Variants in HCLS1 observed in about 807,000 individuals in gnomAD.
HCLS1 encodes the protein hematopoietic cell-specific Lyn substrate 1.
Under a neutral mutation model 68.6 loss-of-function variants are expected in HCLS1, and 44 were observed. The observed-to-expected ratio is 0.64, with a 90% CI of 0.50 to 0.82. The LOEUF is 0.82. HCLS1 is among the 40% of genes least tolerant of loss of function. The pLI is 0.00. For synonymous variants in HCLS1, 217 were observed against 225.8 expected, an observed-to-expected ratio of 0.96 and a Z score of 0.35; for missense variants, 602 against 612.1, an observed-to-expected ratio of 0.98 and a Z score of 0.17.
chr3:121,651,607 C>T lies in HCLS1; in HGVS notation c.159-4159G>A, dbSNP rs1033405889. On this transcript the variant is annotated intron_variant, in intron 3 of 13. Transcript: ENST00000314583. Reference sequence around the variant, plus strand: ...AGCCAATTTTTAATTTTTTTGTAGACTCTGAATCTCTCCACATTGTCCAGA... The same window carrying T: ...AGCCAATTTTTAATTTTTTTGTAGATTCTGAATCTCTCCACATTGTCCAGA... Among the ~76,000 whole-genome samples, 38 of 152,198 alleles carry T rather than the reference C, an allele frequency of 2.5e-4. 1 individual carries two copies. The Middle Eastern group carries it at 0.014, about 54-fold the overall frequency.
chr3:121,652,976 C>A (rs1937783547), intron 3 of HCLS1, among the ~76,000 whole-genome samples: 1 of 152,196 alleles, frequency 6.6e-6, no homozygotes, highest in South Asian at 2.1e-4. Flanking sequence ...CAAATTACTA[C>A]AGGTTGACTA....
intron 6 of HCLS1, among the ~76,000 whole-genome samples, chr3:121,638,271 C>T (rs2049167933): frequency 6.6e-6 from 1 of 152,128 alleles, no homozygotes; most frequent in Non-Finnish European, 1.5e-5. Context: ...CTGTGTTGCC[C>T]AGGCTAGCCT....
chr3:121,638,787 A>G (rs1317984573), intron 6 of HCLS1, among the ~76,000 whole-genome samples: 1 of 152,228 alleles, frequency 6.6e-6, no homozygotes, highest in Non-Finnish European at 1.5e-5. Flanking sequence ...GAGACAAGAA[A>G]GACATGCTCC....
intron 10 of HCLS1, 150 bp downstream of exon 10, chr3:121,634,057 T>G (rs1244843525): frequency 7.3e-7 from 1 of 1,375,222 alleles, no homozygotes; most frequent in Non-Finnish European, 9.7e-7. Flanking sequence ...CCAATTACAG[T>G]CAGACTGAAG....
At chr3:121,656,578 T>A (rs1253687357) in intron 3 of HCLS1, among the ~76,000 whole-genome samples, 3 of 152,120 alleles carry the variant, frequency 2.0e-5, no homozygotes, top group Non-Finnish European at 4.4e-5. Context: ...GTTTTGTTTG[T>A]TTGTTTGTTT....
intron 4 of HCLS1, among the ~76,000 whole-genome samples, chr3:121,645,977 C>A (rs2049242688): frequency 1.5e-5 from 2 of 129,970 alleles, no homozygotes; most frequent in South Asian, 2.3e-4. Context: ...AATTATGTAA[C>A]ATATATTAAT....
intron 6 of HCLS1, among the ~76,000 whole-genome samples, chr3:121,637,935 CAA>C (rs879943041): frequency 3.4e-5 from 4 of 116,440 alleles, no homozygotes; most frequent in Non-Finnish European, 3.6e-5. Context: ...GACTCCATCT[CAA>C]AAAAAAAAAA....
chr3:121,643,128 A>G (rs1336487070), intron 5 of HCLS1, 147 bp from the exon 6 acceptor site: 1 of 659,938 alleles, frequency 1.5e-6, no homozygotes, highest in Non-Finnish European at 2.8e-6. Flanking sequence ...ACAGGCTGGT[A>G]TGGACACAGG....
Position 121,633,169 on chromosome 3 carries a change from G to A in HCLS1, c.906C>T (p.Ala302=), listed in dbSNP as rs1401578750. The A allele has an allele frequency of 6.3e-7, 1 of 1,597,028 alleles. No individual in the cohort carries two copies. The highest frequency in any genetic ancestry group is 2.3e-5 in the East Asian group (1 of 44,390). The part of the protein sequence containing the change: ...APLPKKISSE[A]WPPVGTPPSS... ...ATGGAGGAGTCCCAACTGGAGGCCA[G>A]GCCTGTGGAAAATGAAGCATCTCTC... The change falls in exon 11 of 14, where the codon GCC becomes GCT. Residue 302 remains alanine (A), a splice_region_variant and synonymous_variant. Transcript: ENST00000314583.
chr3:121,633,855 A>G (rs1177882050), intron 10 of HCLS1, among the ~76,000 whole-genome samples: 1 of 152,050 alleles, frequency 6.6e-6, no homozygotes, highest in Non-Finnish European at 1.5e-5. Context: ...TCACTGTTAC[A>G]TTTACCAGGA....
chr3:121,643,221 G>A (rs1466975829), intron 5 of HCLS1: 1 of 366,104 alleles, frequency 2.7e-6, no homozygotes, highest in Non-Finnish European at 5.1e-6. Flanking sequence ...AGTTGTTGAA[G>A]TTTAAGCACG....
chr3:121,642,422 T>G (rs981543897), intron 6 of HCLS1, among the ~76,000 whole-genome samples: 16 of 151,936 alleles, frequency 1.1e-4, no homozygotes, highest in Non-Finnish European at 2.1e-4. Context: ...TGAGCCAATA[T>G]AGTGCCACTG....
intron 4 of HCLS1, 83 bp from the exon 5 acceptor site, chr3:121,645,011 C>A: frequency 9.5e-7 from 1 of 1,055,578 alleles, no homozygotes; most frequent in Non-Finnish European, 1.5e-6. Flanking sequence ...GGGATGTAGG[C>A]ATGTAAGAAA....
chr3:121,636,122 G>T (rs1373538892), intron 8 of HCLS1, among the ~76,000 whole-genome samples: 9 of 152,184 alleles, frequency 5.9e-5, no homozygotes, highest in Non-Finnish European at 1.2e-4. Context: ...GTGGCATGGG[G>T]TGGGAAGAGA....
intron 6 of HCLS1, among the ~76,000 whole-genome samples, chr3:121,639,687 C>A (rs1014620627): frequency 6.6e-6 from 1 of 151,996 alleles, no homozygotes; most frequent in African/African-American, 2.4e-5. Flanking sequence ...TAGCTGGGAC[C>A]ACGGGTTTGT....
intron 3 of HCLS1, among the ~76,000 whole-genome samples, chr3:121,648,817 C>T (rs1433113033): frequency 6.6e-6 from 1 of 152,118 alleles, no homozygotes; most frequent in African/African-American, 2.4e-5. Flanking sequence ...CCCCCTGTTC[C>T]CATGCCTCCT....
chr3:121,644,541 G>A (rs1206966191), intron 5 of HCLS1: 1 of 541,358 alleles, frequency 1.8e-6, no homozygotes, highest in Non-Finnish European at 3.5e-6. Context: ...ATGCATATGA[G>A]TATAATAAAA....
rs116691276 is a variant in HCLS1 at position 121,633,023 on chromosome 3, G to C, written c.1008+44C>G. 1.5e-3 allele frequency: 2,080 copies of C among 1,363,812 alleles called. 26 individuals carry two copies. In the African/African-American group the frequency reaches 0.026, roughly 17 times the overall value. The allele number at this position is 1,363,812 out of a possible 1,614,324, so 84.5% of individuals were successfully genotyped here. A position where few individuals can be genotyped will look rare whatever the true frequency, so the allele number is the denominator to read the frequency against. Reference sequence around the variant, plus strand: ...TGCACAGCCCACATTCCTAAGACTCGAGAAGATGGGGTGGGGGCAGAGAAT... The same window carrying C: ...TGCACAGCCCACATTCCTAAGACTCCAGAAGATGGGGTGGGGGCAGAGAAT... On this transcript the variant is annotated intron_variant, in intron 11 of 13. Transcript: ENST00000314583.
chr3:121,657,499 C>T, intron 2 of HCLS1, 147 bp from the exon 3 acceptor site: 1 of 672,718 alleles, frequency 1.5e-6, no homozygotes, highest in Non-Finnish European at 2.6e-6. Flanking sequence ...CTATATTTAT[C>T]CCATCCTGAC....
Sources: gnomAD v4.1 joint callset for allele counts (sites outside exome capture counted in the v4.1 genomes callset) on GRCh38, gnomAD v4.1.1 for gene constraint, MANE v1.5 for transcripts, NCBI Gene and HGNC (gene_info 2026-07-23, HGNC 2026-07-21) for gene names.